NKAIN3: variants seen among roughly 807,000 people sequenced by gnomAD.
NKAIN3 encodes sodium/potassium-transporting ATPase subunit beta-1-interacting protein 3.
Under a neutral mutation model 30.2 loss-of-function variants are expected in NKAIN3, and 25 were observed. The observed-to-expected ratio is 0.83, with a 90% CI of 0.60 to 1.16. The LOEUF is 1.16. Among genes scored for constraint, NKAIN3 ranks in the 50% most tolerant of loss-of-function variants. The probability of loss-of-function intolerance (pLI) is 0.00; values close to 1 mark genes in which losing one functional copy is unlikely to be tolerated. For missense variants in NKAIN3, 225 were observed against 254.1 expected (o/e 0.89, Z 0.78); for synonymous variants, 91 against 89.6 (o/e 1.02, Z -0.09).
chr8:62,593,001 G>GA (rs1378694037), intron 3 of NKAIN3, among the ~76,000 whole-genome samples: 1 of 151,930 alleles, frequency 6.6e-6, no homozygotes, highest in Non-Finnish European at 1.5e-5. Context: ...AACATAGGGG[G>GA]AGAGTTTAAT....
At chr8:62,367,966 C>G (rs185119546) in intron 1 of NKAIN3, among the ~76,000 whole-genome samples, 145 of 151,942 alleles carry the variant, frequency 9.5e-4, no homozygotes, top group African/African-American at 3.3e-3. Flanking sequence ...GAAAACAATC[C>G]CATTAAAAAC....
Position 62,472,543 on chromosome 8 carries a change from G to C in NKAIN3, c.55-106996G>C, listed in dbSNP as rs762147778. ...AACTTAGTAGGGTACATGCTTTCAA[G>C]GGTAGGTCAGGGAGAGGAGACAGAG... is the stretch of plus-strand genomic sequence containing the variant. On this transcript the variant is annotated intron_variant, in intron 1 of 6. Coordinates refer to ENST00000623646, the MANE Select transcript of NKAIN3 (RefSeq NM_001304533.3). Among the ~76,000 whole-genome samples the C allele has an allele frequency of 2.0e-4, 31 of 152,298 alleles. No homozygotes were observed. The Middle Eastern group carries it at 0.017, about 84-fold the overall frequency.
chr8:62,913,323 A>T (rs938193950), intron 4 of NKAIN3, among the ~76,000 whole-genome samples: 4 of 152,244 alleles, frequency 2.6e-5, no homozygotes, highest in Non-Finnish European at 1.5e-5. Context: ...TTACAACAGC[A>T]TTAGCACAAA....
intron 1 of NKAIN3, among the ~76,000 whole-genome samples, chr8:62,274,637 C>T (rs928463333): frequency 1.3e-5 from 2 of 151,884 alleles, no homozygotes; most frequent in African/African-American, 2.4e-5. Context: ...GGTACATGTG[C>T]ACAATGTGCA....
At position 62,994,711 on chromosome 8, in the gene NKAIN3, G is replaced by A. The variant is rs75866054; in HGVS notation, c.533-4520G>A. Among the ~76,000 whole-genome samples, 40 of 152,308 alleles carry A rather than the reference G, an allele frequency of 2.6e-4. No individual in the cohort carries two copies. The East Asian group carries it at 7.1e-3, about 27-fold the overall frequency. ...GGAATTTGACTAAGGCATTAACCGA[G>A]AGAAGAGAAATGTAACCTACATTTC... On this transcript the variant is annotated intron_variant, in intron 5 of 5. Transcript: ENST00000519049.
At chr8:62,594,574 C>G (rs1379721145) in intron 3 of NKAIN3, among the ~76,000 whole-genome samples, 1 of 152,052 alleles carries the variant, frequency 6.6e-6, no homozygotes, top group African/African-American at 2.4e-5. Context: ...CAAATGTTTT[C>G]CTTAAAAATG....
intron 3 of NKAIN3, among the ~76,000 whole-genome samples, chr8:62,591,787 C>T (rs1321276457): frequency 6.6e-6 from 1 of 152,032 alleles, no homozygotes; most frequent in Non-Finnish European, 1.5e-5. Context: ...AGACTGGTAA[C>T]ATCTCCCTTG....
intron 4 of NKAIN3, among the ~76,000 whole-genome samples, chr8:62,880,401 T>C (rs1045871959): frequency 1.3e-5 from 2 of 152,070 alleles, no homozygotes; most frequent in Non-Finnish European, 2.9e-5. Context: ...GCACCACAGT[T>C]ACCTACACAA....
chr8:62,935,888 C>T lies in NKAIN3; in HGVS notation c.532+17375C>T, dbSNP rs962209989. On this transcript the variant is annotated intron_variant, in intron 5 of 6. Coordinates refer to ENST00000623646, the MANE Select transcript of NKAIN3 (RefSeq NM_001304533.3). The stretch of plus-strand genomic sequence containing the variant: ...GCTTATCATTAGAAAAACAGAATTT[C>T]AGAATCCAGTTCAAATACTGAAAAA... 1.2e-4 allele frequency among the ~76,000 whole-genome samples: 18 copies of T among 152,206 alleles called. No homozygotes were observed. The South Asian group carries it at 3.5e-3, about 30-fold the overall frequency.
At chr8:62,649,534 G>T (rs753332365) in intron 3 of NKAIN3, among the ~76,000 whole-genome samples, 2 of 152,118 alleles carry the variant, frequency 1.3e-5, no homozygotes, top group South Asian at 2.1e-4. Context: ...GTACCCGAAA[G>T]ATGCCTAATT....
At chr8:62,454,301 C>CAAAAAAAAAAAAGAAAAAAA (rs1805742845) in intron 1 of NKAIN3, among the ~76,000 whole-genome samples, 1 of 56,152 alleles carries the variant, frequency 1.8e-5, no homozygotes, top group Non-Finnish European at 3.8e-5. Flanking sequence ...AGCTGATGTG[C>CAAAAAAAAAAAAGAAAAAAA]AAAAAAAAAA....
chr8:62,436,700 T>A (rs933211025), intron 1 of NKAIN3, among the ~76,000 whole-genome samples: 6 of 152,142 alleles, frequency 3.9e-5, no homozygotes, highest in Admixed American at 6.5e-5. Flanking sequence ...GACAATTTTT[T>A]AAAAAATAAT....
intron 3 of NKAIN3, among the ~76,000 whole-genome samples, chr8:62,744,792 A>T (rs1357983495): frequency 6.6e-6 from 1 of 152,212 alleles, no homozygotes; most frequent in East Asian, 1.9e-4. Context: ...TGCAAATGAT[A>T]CAAGTAGCAA....
At chr8:62,775,927 C>G (rs1425625799) in intron 4 of NKAIN3, among the ~76,000 whole-genome samples, 7 of 152,028 alleles carry the variant, frequency 4.6e-5, no homozygotes, top group Admixed American at 4.6e-4. Flanking sequence ...GGATCTACCT[C>G]TCTCTAGCTC....
At chr8:62,536,694 G>C in intron 1 of NKAIN3, among the ~76,000 whole-genome samples, 1 of 152,030 alleles carries the variant, frequency 6.6e-6, no homozygotes, top group Admixed American at 6.6e-5. Flanking sequence ...ATTTTTTCTT[G>C]TTACCTGAAT....
At chr8:62,284,324 G>C (rs914952681) in intron 1 of NKAIN3, among the ~76,000 whole-genome samples, 2 of 152,082 alleles carry the variant, frequency 1.3e-5, no homozygotes, top group Non-Finnish European at 2.9e-5. Flanking sequence ...TGTCCTTGCT[G>C]TGCTGGTTAA....
At chr8:62,741,430 A>AGGAAG (rs1563540872) in intron 3 of NKAIN3, among the ~76,000 whole-genome samples, 23 of 147,212 alleles carry the variant, frequency 1.6e-4, no homozygotes, top group African/African-American at 5.3e-4. Context: ...AAGGCAGGCA[A>AGGAAG]GCAAGCAAGC....
chr8:62,759,326 C>G (rs1263321216), intron 4 of NKAIN3, among the ~76,000 whole-genome samples: 1 of 152,064 alleles, frequency 6.6e-6, no homozygotes, highest in East Asian at 1.9e-4. Flanking sequence ...TGGTAGAAAT[C>G]AATTCAATGA....
chr8:62,800,139 T>C (rs1474987674), intron 4 of NKAIN3, among the ~76,000 whole-genome samples: 1 of 152,034 alleles, frequency 6.6e-6, no homozygotes, highest in East Asian at 1.9e-4. Flanking sequence ...ATCTCATAAA[T>C]CACCACTAAA....
Sources: gnomAD v4.1 joint callset for allele counts (sites outside exome capture counted in the v4.1 genomes callset) on GRCh38, gnomAD v4.1.1 for gene constraint, MANE v1.5 for transcripts, NCBI Gene and HGNC (gene_info 2026-07-23, HGNC 2026-07-21) for gene names.